PCMTD1: variants seen among roughly 807,000 people sequenced by gnomAD.
PCMTD1 encodes the protein protein-L-isoaspartate O-methyltransferase domain-containing protein 1.
PCMTD1 carries 12 observed loss-of-function variants against 37.6 expected under a neutral mutation model. The observed-to-expected ratio is 0.32, with a 90% CI of 0.20 to 0.52. The LOEUF (loss-of-function observed/expected upper bound fraction) is 0.52. PCMTD1 is among the 20% of genes least tolerant of loss of function. PCMTD1 has a pLI of 0.97. For synonymous variants in PCMTD1, 117 were observed against 135.8 expected (o/e 0.86, Z 0.96); for missense variants, 235 against 421.3 (o/e 0.56, Z 3.87).
intron 3 of PCMTD1, among the ~76,000 whole-genome samples, chr8:51,839,968 G>A (rs2038120773): frequency 6.6e-6 from 1 of 152,202 alleles, no homozygotes; most frequent in Non-Finnish European, 1.5e-5. Flanking sequence ...CAAGGGAAAT[G>A]TTAAACTCTT....
intron 4 of PCMTD1, among the ~76,000 whole-genome samples, chr8:51,832,981 G>A (rs190300439): frequency 2.0e-5 from 3 of 152,286 alleles, no homozygotes; most frequent in Admixed American, 6.5e-5. Context: ...GAGTAGCTGA[G>A]ACTACAGGTG....
At chr8:51,887,278 A>T (rs887347558) in intron 1 of PCMTD1, among the ~76,000 whole-genome samples, 2 of 152,078 alleles carry the variant, frequency 1.3e-5, no homozygotes, top group African/African-American at 4.8e-5. Flanking sequence ...CACTACCCAA[A>T]CTTTGACTCC....
intron 1 of PCMTD1, among the ~76,000 whole-genome samples, chr8:51,895,058 G>C (rs952021520): frequency 3.3e-5 from 5 of 152,216 alleles, no homozygotes; most frequent in Non-Finnish European, 7.3e-5. Context: ...CCTGAGCAAA[G>C]AGGGTGAGGG....
chr8:51,864,821 TAGC>T, intron 1 of PCMTD1, among the ~76,000 whole-genome samples: 1 of 151,838 alleles, frequency 6.6e-6, no homozygotes, highest in Admixed American at 6.6e-5. Context: ...AAACCCCAAT[TAGC>T]AGAAAGAATG....
chr8:51,828,511 CACCTCAAGCTGAGG>C (rs2037954359), intron 5 of PCMTD1, among the ~76,000 whole-genome samples: 1 of 152,120 alleles, frequency 6.6e-6, no homozygotes, highest in Non-Finnish European at 1.5e-5. Flanking sequence ...GATGTAACCC[CACCTCAAGCTGAGG>C]AGCTCCTTAT....
At chr8:51,825,983 A>T (rs948959407) in intron 5 of PCMTD1, among the ~76,000 whole-genome samples, 7 of 152,196 alleles carry the variant, frequency 4.6e-5, no homozygotes, top group Admixed American at 2.6e-4. Context: ...AGAACTAGAA[A>T]TAACATTTGA....
chr8:51,875,943 T>C (rs1297062179), intron 1 of PCMTD1, among the ~76,000 whole-genome samples: 1 of 24,290 alleles, frequency 4.1e-5, no homozygotes, highest in African/African-American at 5.7e-5. Flanking sequence ...AATGTGTTTG[T>C]GTGTGTGTGT....
At chr8:51,831,624 C>T (rs2037999701) in intron 4 of PCMTD1, 57 bp from the exon 5 acceptor site, 2 of 1,530,948 alleles carry the variant, frequency 1.3e-6, no homozygotes, top group Admixed American at 2.0e-5. Context: ...AATGTGGTCA[C>T]CTTACAGTCA....
chr8:51,891,302 C>T (rs551968086), intron 1 of PCMTD1, among the ~76,000 whole-genome samples: 108 of 152,184 alleles, frequency 7.1e-4, no homozygotes, highest in Admixed American at 1.4e-3. Context: ...TCCTCTAATC[C>T]ACTTTGGGAG....
chr8:51,885,352 A>AG (rs2038850664), intron 1 of PCMTD1, among the ~76,000 whole-genome samples: 1 of 152,172 alleles, frequency 6.6e-6, no homozygotes, highest in African/African-American at 2.4e-5. Context: ...ATGATCAGAG[A>AG]GGGGAAGTTA....
At chr8:51,863,621 T>C (rs1364501988) in intron 1 of PCMTD1, among the ~76,000 whole-genome samples, 1 of 152,186 alleles carries the variant, frequency 6.6e-6, no homozygotes, top group Non-Finnish European at 1.5e-5. Context: ...ATCCTGTCTC[T>C]ATTAAAAATA....
At chr8:51,867,172 T>A (rs2038566573) in intron 1 of PCMTD1, among the ~76,000 whole-genome samples, 1 of 151,966 alleles carries the variant, frequency 6.6e-6, no homozygotes, top group Admixed American at 6.6e-5. Context: ...ATGGCTATCA[T>A]CAAAAAGACA....
At chr8:51,884,143 T>C (rs551347232) in intron 1 of PCMTD1, among the ~76,000 whole-genome samples, 3 of 152,308 alleles carry the variant, frequency 2.0e-5, no homozygotes, top group African/African-American at 7.2e-5. Flanking sequence ...TGCTGAACAT[T>C]ACCTATCAGT....
intron 1 of PCMTD1, 49 bp downstream of exon 1, chr8:51,898,881 G>C: frequency 7.9e-7 from 1 of 1,260,544 alleles, no homozygotes; most frequent in Non-Finnish European, 1.0e-6. Context: ...CCTAGCACGC[G>C]GGACTCGCAC....
At chr8:51,852,573 A>G (rs1440907751) in intron 2 of PCMTD1, among the ~76,000 whole-genome samples, 1 of 152,188 alleles carries the variant, frequency 6.6e-6, no homozygotes, top group East Asian at 1.9e-4. Flanking sequence ...TCATCCCTAT[A>G]AAGCGGTATG....
intron 1 of PCMTD1, among the ~76,000 whole-genome samples, chr8:51,862,552 G>C: frequency 6.6e-6 from 1 of 152,168 alleles, no homozygotes; most frequent in East Asian, 1.9e-4. Flanking sequence ...TAAATCAGTA[G>C]AGGAGAAAGT....
At chr8:51,838,851 T>G (rs1418010232) in intron 3 of PCMTD1, among the ~76,000 whole-genome samples, 1 of 152,104 alleles carries the variant, frequency 6.6e-6, no homozygotes, top group Non-Finnish European at 1.5e-5. Context: ...ATTACACACA[T>G]AGGTTAAAAA....
chr8:51,862,301 C>T (rs2038483780), intron 1 of PCMTD1, among the ~76,000 whole-genome samples: 1 of 151,888 alleles, frequency 6.6e-6, no homozygotes. Flanking sequence ...TGACAGAAAC[C>T]ACAAATTTTA....
chr8:51,891,380 A>G (rs1201184596), intron 1 of PCMTD1, among the ~76,000 whole-genome samples: 1 of 151,978 alleles, frequency 6.6e-6, no homozygotes, highest in African/African-American at 2.4e-5. Context: ...TGAGACACCT[A>G]TCTCTACAAA....
Sources: allele counts gnomAD v4.1 joint callset (sites outside exome capture counted in the v4.1 genomes callset), GRCh38; gene constraint gnomAD v4.1.1; transcripts MANE v1.5; gene names NCBI Gene and HGNC (gene_info 2026-07-23, HGNC 2026-07-21).